GALNT2: variants seen among roughly 807,000 people sequenced by gnomAD.
The protein encoded by GALNT2 is polypeptide N-acetylgalactosaminyltransferase 2.
GALNT2 carries 31 observed loss-of-function variants against 81.4 expected under a neutral mutation model. The ratio of observed to expected loss-of-function variants is 0.38; its 90% confidence interval spans 0.29 to 0.51. The LOEUF (loss-of-function observed/expected upper bound fraction) is 0.51, where lower values mean the gene tolerates loss of function less well. GALNT2 is among the 20% of genes least tolerant of loss of function. The pLI is 0.87. For synonymous variants in GALNT2, 303 were observed against 287.4 expected, an observed-to-expected ratio of 1.05 and a Z score of -0.55; for missense variants, 629 against 765.7, an observed-to-expected ratio of 0.82 and a Z score of 2.11.
chr1:230,181,232 T>A (rs1371034093), intron 2 of GALNT2, among the ~76,000 whole-genome samples: 1 of 152,170 alleles, frequency 6.6e-6, no homozygotes, highest in African/African-American at 2.4e-5. Context: ...GCTGCAGGAT[T>A]TTTGTAGGTA....
At chr1:230,224,442 C>T (rs1196747682) in intron 3 of GALNT2, among the ~76,000 whole-genome samples, 2 of 152,216 alleles carry the variant, frequency 1.3e-5, no homozygotes, top group Non-Finnish European at 2.9e-5. Flanking sequence ...CGGCTTCATC[C>T]AGGGCTGTTA....
At chr1:230,086,748 G>A (rs190458637) in intron 1 of GALNT2, among the ~76,000 whole-genome samples, 68 of 152,078 alleles carry the variant, frequency 4.5e-4, no homozygotes, top group African/African-American at 1.6e-3. Context: ...TCATGTGTTC[G>A]GGGCACAGCC....
At chr1:230,060,146 C>T (rs1487012966) in intron 1 of GALNT2, among the ~76,000 whole-genome samples, 2 of 152,180 alleles carry the variant, frequency 1.3e-5, no homozygotes, top group African/African-American at 2.4e-5. Context: ...TTGTCTTTCA[C>T]AATAGCCAAA....
chr1:230,114,455 G>A (rs937953140), intron 1 of GALNT2, among the ~76,000 whole-genome samples: 8 of 152,232 alleles, frequency 5.3e-5, no homozygotes, highest in Non-Finnish European at 1.0e-4. Context: ...TTTCCCACAC[G>A]ATTACGTCTG....
chr1:230,186,712 C>T (rs1663347837), intron 2 of GALNT2, among the ~76,000 whole-genome samples: 2 of 152,182 alleles, frequency 1.3e-5, no homozygotes, highest in Admixed American at 1.3e-4. Flanking sequence ...ATTGACTCTG[C>T]CTTTCATATC....
At position 230,225,970 on chromosome 1, in the gene GALNT2, C is replaced by T. The variant is rs984553012; in HGVS notation, c.375-10044C>T. ...CTAGGCATGTTCATTTTCATAAGCTCCATGAATGAGTCTTATGCTCACTAA... is the reference window on the plus strand; with the variant it reads ...CTAGGCATGTTCATTTTCATAAGCTTCATGAATGAGTCTTATGCTCACTAA... On this transcript the variant is annotated intron_variant, in intron 3 of 15. Transcript: ENST00000366672. 3.3e-5 allele frequency among the ~76,000 whole-genome samples: 5 copies of T among 152,302 alleles called. No individual in the cohort carries two copies. The East Asian group carries it at 5.8e-4, about 18-fold the overall frequency.
intron 2 of GALNT2, among the ~76,000 whole-genome samples, chr1:230,198,166 C>T (rs1663763449): frequency 6.6e-6 from 1 of 152,164 alleles, no homozygotes; most frequent in Non-Finnish European, 1.5e-5. Flanking sequence ...AGGACGAGAC[C>T]CTCAGTAGTA....
intron 1 of GALNT2, among the ~76,000 whole-genome samples, chr1:230,147,548 C>T (rs772140766): frequency 1.3e-5 from 2 of 152,246 alleles, no homozygotes; most frequent in Non-Finnish European, 2.9e-5. Flanking sequence ...GTTCTCCTTT[C>T]CTGGTCCCGC....
chr1:230,127,260 G>A (rs1055187106), intron 1 of GALNT2, among the ~76,000 whole-genome samples: 3 of 151,786 alleles, frequency 2.0e-5, no homozygotes, highest in Non-Finnish European at 2.9e-5. Flanking sequence ...CTCTGTGGAA[G>A]ACTCTCTTAA....
chr1:230,149,415 A>G (rs1662024794), intron 1 of GALNT2, among the ~76,000 whole-genome samples: 1 of 152,102 alleles, frequency 6.6e-6, no homozygotes, highest in Admixed American at 6.5e-5. Flanking sequence ...ACAGGCTGCC[A>G]ATAGCTTGGT....
At chr1:230,079,154 C>G (rs138989759) in intron 1 of GALNT2, among the ~76,000 whole-genome samples, 3 of 152,310 alleles carry the variant, frequency 2.0e-5, no homozygotes, top group African/African-American at 7.2e-5. Flanking sequence ...TGTGTTAGTC[C>G]TTTTGGTTCT....
intron 1 of GALNT2, among the ~76,000 whole-genome samples, chr1:230,083,412 G>A (rs923676195): frequency 1.3e-5 from 2 of 150,014 alleles, no homozygotes; most frequent in Non-Finnish European, 3.0e-5. Flanking sequence ...GGAGCGGGAT[G>A]ATGGAGCGGG....
intron 1 of GALNT2, among the ~76,000 whole-genome samples, chr1:230,061,424 A>G (rs974738039): frequency 3.3e-5 from 5 of 152,150 alleles, no homozygotes; most frequent in Non-Finnish European, 5.9e-5. Context: ...CCATAACACT[A>G]TGAAAAAAAT....
chr1:230,222,801 A>G (rs1286412057), intron 3 of GALNT2, among the ~76,000 whole-genome samples: 2 of 152,098 alleles, frequency 1.3e-5, no homozygotes, highest in African/African-American at 4.8e-5. Context: ...TCTCACAGCA[A>G]CCCTATGAGG....
intron 1 of GALNT2, among the ~76,000 whole-genome samples, chr1:230,084,617 T>C (rs1026700018): frequency 6.6e-6 from 1 of 151,976 alleles, no homozygotes; most frequent in East Asian, 1.9e-4. Flanking sequence ...GGAGAATGGC[T>C]GAGAGCCAGG....
intron 1 of GALNT2, among the ~76,000 whole-genome samples, chr1:230,079,749 A>C (rs997589755): frequency 6.6e-6 from 1 of 152,236 alleles, no homozygotes; most frequent in African/African-American, 2.4e-5. Context: ...TGGATGGTCT[A>C]AGCTCCAGGC....
intron 14 of GALNT2, among the ~76,000 whole-genome samples, chr1:230,274,202 T>C (rs1339728438): frequency 6.6e-6 from 1 of 152,260 alleles, no homozygotes; most frequent in Non-Finnish European, 1.5e-5. Context: ...ACTGAGGTCC[T>C]CAAAGCACTT....
At chr1:230,265,020 C>A in intron 13 of GALNT2, 50 of 385,372 alleles carry the variant, frequency 1.3e-4, no homozygotes, top group Non-Finnish European at 1.7e-4. Flanking sequence ...ATAAAGAATA[C>A]TTCTGCAACA....
At chr1:230,225,781 G>A (rs889074835) in intron 3 of GALNT2, among the ~76,000 whole-genome samples, 1 of 151,288 alleles carries the variant, frequency 6.6e-6, no homozygotes, top group African/African-American at 2.4e-5. Context: ...CCACATTAGA[G>A]AACTGTTTCA....
Sources: allele counts gnomAD v4.1 joint callset (sites outside exome capture counted in the v4.1 genomes callset), GRCh38; gene constraint gnomAD v4.1.1; transcripts MANE v1.5; gene names NCBI Gene and HGNC (gene_info 2026-07-23, HGNC 2026-07-21).